PLD5: variants seen among roughly 807,000 people sequenced by gnomAD.
PLD5 encodes phospholipase D family member 5, also known as inactive phospholipase D5.
Under a neutral mutation model 61.1 loss-of-function variants are expected in PLD5, and 36 were observed. The ratio of observed to expected loss-of-function variants is 0.59; its 90% CI spans 0.45 to 0.78. The LOEUF is 0.78. Ranked by LOEUF, PLD5 falls within the 30% of genes least tolerant of loss-of-function variation. PLD5 has a pLI of 0.00. For synonymous variants in PLD5, 243 were observed against 242.8 expected (o/e 1.00, Z -0.01); for missense variants, 515 against 644.4 (o/e 0.80, Z 2.17).
intron 5 of PLD5, among the ~76,000 whole-genome samples, chr1:242,134,837 C>T (rs1298072442): frequency 6.6e-6 from 1 of 152,176 alleles, no homozygotes; most frequent in African/African-American, 2.4e-5. Context: ...CATTGGTTCT[C>T]ATAGCTTCCC....
chr1:242,522,005 A>G (rs1669296070), intron 1 of PLD5, among the ~76,000 whole-genome samples: 1 of 152,222 alleles, frequency 6.6e-6, no homozygotes, highest in Admixed American at 6.5e-5. Flanking sequence ...TTAATTTTTC[A>G]TAGCACTTTC....
intron 3 of PLD5, among the ~76,000 whole-genome samples, chr1:242,287,054 T>C (rs1675067453): frequency 6.6e-6 from 1 of 152,122 alleles, no homozygotes; most frequent in African/African-American, 2.4e-5. Context: ...ACCAGTGGAA[T>C]AGATTGGGAG....
intron 9 of PLD5, among the ~76,000 whole-genome samples, chr1:242,095,612 G>A (rs1660165513): frequency 6.6e-6 from 1 of 151,950 alleles, no homozygotes; most frequent in African/African-American, 2.4e-5. Flanking sequence ...TAATTTTTAA[G>A]CCCTCATCTC....
At chr1:242,178,713 T>C (rs1475230419) in intron 5 of PLD5, among the ~76,000 whole-genome samples, 1 of 152,222 alleles carries the variant, frequency 6.6e-6, no homozygotes, top group African/African-American at 2.4e-5. Context: ...ATCTGTGTTA[T>C]TATAGAATGA....
chr1:242,266,017 GTATTTT>G (rs1673648403), intron 3 of PLD5, among the ~76,000 whole-genome samples: 1 of 152,222 alleles, frequency 6.6e-6, no homozygotes. Flanking sequence ...TTGTTTAAAT[GTATTTT>G]AATGAATTCA....
At chr1:242,328,686 TCTCA>T (rs1204834460) in intron 2 of PLD5, among the ~76,000 whole-genome samples, 1 of 152,204 alleles carries the variant, frequency 6.6e-6, no homozygotes, top group Non-Finnish European at 1.5e-5. Context: ...GAAGTATTCT[TCTCA>T]CTCAAAGAGT....
intron 9 of PLD5, among the ~76,000 whole-genome samples, chr1:242,096,496 C>T (rs976048386): frequency 2.6e-5 from 4 of 152,082 alleles, no homozygotes; most frequent in South Asian, 2.1e-4. Flanking sequence ...CATATGCCAC[C>T]GTACCCAGCT....
intron 6 of PLD5, among the ~76,000 whole-genome samples, chr1:242,120,225 A>C (rs1662258894): frequency 6.6e-6 from 1 of 152,192 alleles, no homozygotes; most frequent in Admixed American, 6.5e-5. Flanking sequence ...TGGTGAAAAA[A>C]AGTTCTAAAA....
chr1:242,435,404 G>C (rs1665944659), intron 1 of PLD5, among the ~76,000 whole-genome samples: 1 of 149,516 alleles, frequency 6.7e-6, no homozygotes, highest in South Asian at 2.1e-4. Context: ...TAGCATCTGT[G>C]TGTTTTTTGT....
chr1:242,342,752 A>T lies in PLD5; in HGVS notation c.326+5354T>A, dbSNP rs540863794. On this transcript the variant is annotated intron_variant, in intron 2 of 9. Coordinates refer to ENST00000536534, the MANE Select transcript of PLD5 (RefSeq NM_001372062.1). Reference sequence around the variant, plus strand: ...GCCCAGAAATCCAATACAAAGAGACAAAAAAAAAAAGGTCATTTACTGGCA... The same window carrying T: ...GCCCAGAAATCCAATACAAAGAGACTAAAAAAAAAAGGTCATTTACTGGCA... Among the ~76,000 whole-genome samples the T allele has an allele frequency of 9.0e-3, 44 of 4,878 alleles. No homozygotes were observed. The South Asian group carries it at 0.16, about 17-fold the overall frequency. 3.2% of individuals were successfully genotyped at this position (4,878 alleles called of 152,430 possible).
At chr1:242,171,735 G>C (rs1196655300) in intron 5 of PLD5, among the ~76,000 whole-genome samples, 1 of 151,658 alleles carries the variant, frequency 6.6e-6, no homozygotes, top group Non-Finnish European at 1.5e-5. Context: ...AAAAGAGCAG[G>C]AGTTGCAATC....
At chr1:242,317,286 A>G (rs1438279695) in intron 2 of PLD5, among the ~76,000 whole-genome samples, 1 of 152,208 alleles carries the variant, frequency 6.6e-6, no homozygotes, top group Non-Finnish European at 1.5e-5. Context: ...AAGTGCTGGG[A>G]TTAGAGGCAT....
At chr1:242,506,752 G>T (rs1370366668) in intron 1 of PLD5, among the ~76,000 whole-genome samples, 1 of 152,136 alleles carries the variant, frequency 6.6e-6, no homozygotes, top group Admixed American at 6.6e-5. Context: ...AAACCAAGAG[G>T]TCAGTGTGGA....
At chr1:242,437,358 T>C (rs940032126) in intron 1 of PLD5, among the ~76,000 whole-genome samples, 4 of 152,116 alleles carry the variant, frequency 2.6e-5, no homozygotes, top group African/African-American at 9.7e-5. Flanking sequence ...TGCCCTGCGG[T>C]TCACTCATTC....
intron 1 of PLD5, among the ~76,000 whole-genome samples, chr1:242,404,470 G>T (rs1308862615): frequency 6.6e-6 from 1 of 152,114 alleles, no homozygotes; most frequent in Non-Finnish European, 1.5e-5. Flanking sequence ...AGCGTTTCTA[G>T]CTGGCTTCCA....
At chr1:242,250,700 A>T (rs1245198395) in intron 4 of PLD5, among the ~76,000 whole-genome samples, 7 of 152,226 alleles carry the variant, frequency 4.6e-5, no homozygotes, top group African/African-American at 1.7e-4. Flanking sequence ...AACATTCAGC[A>T]AGCCGCCAAA....
chr1:242,322,403 G>A (rs191699225), intron 2 of PLD5, among the ~76,000 whole-genome samples: 391 of 152,262 alleles, frequency 2.6e-3, no homozygotes, highest in Admixed American at 4.6e-3. Context: ...CTGAATACCC[G>A]ATTTAAAGAT....
chr1:242,494,877 TC>T (rs1188343315), intron 1 of PLD5, among the ~76,000 whole-genome samples: 4 of 115,944 alleles, frequency 3.4e-5, no homozygotes, highest in Admixed American at 1.6e-4. Flanking sequence ...TTTTTTCTTT[TC>T]TGTTTTTTTT....
intron 2 of PLD5, among the ~76,000 whole-genome samples, chr1:242,297,894 C>T (rs1266721392): frequency 1.3e-5 from 2 of 152,044 alleles, no homozygotes; most frequent in African/African-American, 4.8e-5. Flanking sequence ...CCGCCTCGGC[C>T]TCCCAAAGTG....
Sources: gnomAD v4.1 joint callset for allele counts (sites outside exome capture counted in the v4.1 genomes callset) on GRCh38, gnomAD v4.1.1 for gene constraint, MANE v1.5 for transcripts, NCBI Gene and HGNC (gene_info 2026-07-23, HGNC 2026-07-21) for gene names.